The following CNNM2 variants were observed in gnomAD, a reference collection of about 807,000 sequenced individuals.
CNNM2 encodes the protein metal transporter CNNM2.
Under a neutral mutation model 66.9 loss-of-function variants are expected in CNNM2, and 12 were observed. That is an observed-to-expected ratio of 0.18 (90% CI 0.11 to 0.29). The LOEUF (loss-of-function observed/expected upper bound fraction) is 0.29. Ranked by LOEUF, CNNM2 falls within the 10% of genes least tolerant of loss-of-function variation. The pLI is 1.00. For synonymous variants in CNNM2, 557 were observed against 501.8 expected, an observed-to-expected ratio of 1.11 and a Z score of -1.47; for missense variants, 705 against 1,167.7, an observed-to-expected ratio of 0.60 and a Z score of 5.77.
intron 1 of CNNM2, among the ~76,000 whole-genome samples, chr10:102,942,483 CAT>C (rs1846467154): frequency 6.6e-6 from 1 of 152,186 alleles, no homozygotes; most frequent in Non-Finnish European, 1.5e-5. Context: ...CATGTTGTAG[CAT>C]GTGTCAGAAA....
rs1192633315 is a variant in CNNM2, at chr10:103,079,912, C to T, written c.*2732C>T. On this transcript the variant is annotated 3_prime_UTR_variant, in exon 8 of 8. Coordinates refer to ENST00000369878, the MANE Select transcript of CNNM2 (RefSeq NM_017649.5). ...CCATTTTCCCTCAGGAAACCAACCT[C>T]TCAGATGGTTGGAGGAGAAACACTG... The T allele has an allele frequency of 6.6e-6, 1 of 152,244 alleles. No individual in the cohort carries two copies. Among genetic ancestry groups the T allele is most frequent in the Non-Finnish European group, 1.5e-5 (1 of 68,070 alleles). The allele number at this position is 152,244 out of a possible 1,614,324, so 9.4% of individuals were successfully genotyped here. A position where few individuals can be genotyped will look rare whatever the true frequency, so the allele number is the denominator to read the frequency against.
chr10:103,019,089 G>A (rs1361657936), intron 1 of CNNM2, among the ~76,000 whole-genome samples: 1 of 151,546 alleles, frequency 6.6e-6, no homozygotes, highest in Non-Finnish European at 1.5e-5. Flanking sequence ...GCAGCACGGC[G>A]AGATCCCATC....
At position 102,962,107 on chromosome 10, in the gene CNNM2, A is replaced by G. The variant is rs561893737; in HGVS notation, c.1621+42006A>G. Among the ~76,000 whole-genome samples, 3 of 152,280 alleles carry G rather than the reference A, an allele frequency of 2.0e-5. No individual in the cohort carries two copies. In the East Asian group the frequency reaches 5.8e-4, roughly 29 times the overall value. On this transcript the variant is annotated intron_variant, in intron 1 of 7. Transcript: ENST00000369878. ...AAAAAAAATTTTAATGGTAAAATTC[A>G]GTGTTGAAATGAGGACACATGGACA...
At chr10:103,063,234 AGT>A (rs2065418518) in intron 4 of CNNM2, among the ~76,000 whole-genome samples, 1 of 152,104 alleles carries the variant, frequency 6.6e-6, no homozygotes, top group African/African-American at 2.4e-5. Context: ...ATTGCTAGAG[AGT>A]GTCGGGGCAC....
intron 1 of CNNM2, among the ~76,000 whole-genome samples, chr10:102,963,602 G>A (rs546683988): frequency 2.6e-5 from 4 of 152,166 alleles, no homozygotes; most frequent in African/African-American, 9.6e-5. Context: ...GATTGTTCCC[G>A]GAGAATCTCA....
chr10:102,977,849 G>A (rs1028877680), intron 1 of CNNM2, among the ~76,000 whole-genome samples: 2 of 152,154 alleles, frequency 1.3e-5, no homozygotes, highest in Non-Finnish European at 2.9e-5. Context: ...AATGATGAAT[G>A]ATGCTGTTAG....
At chr10:102,965,057 C>T (rs181202516) in intron 1 of CNNM2, among the ~76,000 whole-genome samples, 21 of 152,312 alleles carry the variant, frequency 1.4e-4, no homozygotes, top group African/African-American at 4.6e-4. Flanking sequence ...TGCCCCTCAC[C>T]AGACACTCAG....
At chr10:103,042,265 T>C (rs1003381435) in intron 1 of CNNM2, among the ~76,000 whole-genome samples, 5 of 152,162 alleles carry the variant, frequency 3.3e-5, no homozygotes, top group Non-Finnish European at 7.4e-5. Flanking sequence ...ACCTGCACCA[T>C]TGCTCCCGGG....
At position 103,080,854 on chromosome 10, in the gene CNNM2, T is replaced by A. The variant is rs1452785390; in HGVS notation, c.*3674T>A. The A allele has an allele frequency of 6.6e-6, 1 of 152,204 alleles. No individual in the cohort carries two copies. The highest frequency in any genetic ancestry group is 1.5e-5 in the Non-Finnish European group (1 of 68,040). 9.4% of individuals were successfully genotyped at this position (152,204 alleles called of 1,614,324 possible). A position where few individuals can be genotyped will look rare whatever the true frequency, so the allele number is the denominator to read the frequency against. On this transcript the variant is annotated 3_prime_UTR_variant, in exon 8 of 8. Coordinates refer to ENST00000369878, the MANE Select transcript of CNNM2 (RefSeq NM_017649.5). ...ACCATGAACTTCTGCCCTCAAATTCTCTCTTTGGGTTGAGGAGCAGACCTG... is the reference window on the plus strand; with the variant it reads ...ACCATGAACTTCTGCCCTCAAATTCACTCTTTGGGTTGAGGAGCAGACCTG...
Position 102,977,317 on chromosome 10 carries a change from C to T in CNNM2, c.1621+57216C>T, listed in dbSNP as rs533200379. On this transcript the variant is annotated intron_variant, in intron 1 of 7. Coordinates refer to ENST00000369878, the MANE Select transcript of CNNM2 (RefSeq NM_017649.5). ...GGCTGAGCATCTGAAATCCAAAAATCCAAAATCTGAAATGCTCCAGTGAAC... is the reference window on the plus strand; with the variant it reads ...GGCTGAGCATCTGAAATCCAAAAATTCAAAATCTGAAATGCTCCAGTGAAC... Among the ~76,000 whole-genome samples, 10 of 152,148 alleles carry T rather than the reference C, an allele frequency of 6.6e-5. No homozygotes were observed. The East Asian group carries it at 1.4e-3, about 21-fold the overall frequency.
chr10:103,076,179 G>A lies in CNNM2; in HGVS notation c.2327G>A (p.Gly776Glu). 1 of 1,603,844 alleles carries A rather than the reference G, an allele frequency of 6.2e-7. No homozygotes were observed. The highest frequency in any genetic ancestry group is 1.3e-5 in the African/African-American group (1 of 74,846). ...ATTGACGCCGTCACACCAACACTGG[G>A]GAGCAGCAATAACCAGCTCAATTCT... ...DRIDAVTPTL[G>E]SSNNQLNSSL... Residue 776 changes from glycine to glutamate, a missense_variant, in exon 7 of 8, where the codon GGG (glycine) becomes GAG (glutamate). Coordinates refer to ENST00000369878, the MANE Select transcript of CNNM2 (RefSeq NM_017649.5).
chr10:103,022,186 AGTT>A (rs1164356319), intron 1 of CNNM2, among the ~76,000 whole-genome samples: 9 of 152,194 alleles, frequency 5.9e-5, no homozygotes. Flanking sequence ...TAGGGTTTGT[AGTT>A]GTTGAGATGA....
intron 4 of CNNM2, among the ~76,000 whole-genome samples, chr10:103,057,311 AT>A (rs1469197924): frequency 6.6e-6 from 1 of 152,066 alleles, no homozygotes; most frequent in African/African-American, 2.4e-5. Context: ...TCTACAAAAA[AT>A]TTAAAAATGA....
chr10:103,034,972 C>CAAAAAAA lies in CNNM2; in HGVS notation c.1622-14723_1622-14717dup, dbSNP rs71019651. Among the ~76,000 whole-genome samples, 159 of 71,106 alleles carry CAAAAAAA rather than the reference C, an allele frequency of 2.2e-3. 3 individuals are homozygous for CAAAAAAA. Among genetic ancestry groups the CAAAAAAA allele is most frequent in the African/African-American group, 7.5e-3 (123 of 16,408 alleles). 46.6% of individuals were successfully genotyped at this position (71,106 alleles called of 152,430 possible). A position where few individuals can be genotyped will look rare whatever the true frequency, so the allele number is the denominator to read the frequency against. The stretch of plus-strand genomic sequence containing the variant: ...TGGGCGACAGAGCGAGACTCCGTCT[C>CAAAAAAA]AAAAAAAAAAAAAAAAAATCTCCTA... On this transcript the variant is annotated intron_variant, in intron 1 of 7. Coordinates refer to ENST00000369878, the MANE Select transcript of CNNM2 (RefSeq NM_017649.5).
At chr10:103,008,502 G>A (rs141395623) in intron 1 of CNNM2, among the ~76,000 whole-genome samples, 39 of 151,042 alleles carry the variant, frequency 2.6e-4, no homozygotes, top group African/African-American at 8.4e-4. Flanking sequence ...ACTTTTGGCC[G>A]GGGTGGTGCC....
At chr10:103,071,068 TAA>T (rs1257285033) in intron 5 of CNNM2, among the ~76,000 whole-genome samples, 1 of 152,210 alleles carries the variant, frequency 6.6e-6, no homozygotes, top group Non-Finnish European at 1.5e-5. Flanking sequence ...TATCACAAGG[TAA>T]AGTTTCTGTT....
chr10:102,957,515 T>C (rs1227531858), intron 1 of CNNM2, among the ~76,000 whole-genome samples: 1 of 152,210 alleles, frequency 6.6e-6, no homozygotes, highest in African/African-American at 2.4e-5. Context: ...GTAATTACAT[T>C]TTCATTAACA....
intron 1 of CNNM2, among the ~76,000 whole-genome samples, chr10:102,989,930 C>T (rs1339186584): frequency 2.6e-5 from 4 of 151,344 alleles, no homozygotes; most frequent in African/African-American, 7.3e-5. Flanking sequence ...CAGCCTCTTA[C>T]TTTTCATATC....
chr10:102,946,695 C>T (rs1028697886), intron 1 of CNNM2, among the ~76,000 whole-genome samples: 4 of 152,164 alleles, frequency 2.6e-5, no homozygotes, highest in African/African-American at 7.2e-5. Context: ...GGTGTTACTG[C>T]TTCTGTTCTG....
Sources: allele counts gnomAD v4.1 joint callset (sites outside exome capture counted in the v4.1 genomes callset), GRCh38; gene constraint gnomAD v4.1.1; transcripts MANE v1.5; gene names NCBI Gene and HGNC (gene_info 2026-07-23, HGNC 2026-07-21).